PREX2: variants seen among roughly 807,000 people sequenced by gnomAD.
PREX2 encodes the protein phosphatidylinositol-3,4,5-trisphosphate dependent Rac exchange factor 2, also known as phosphatidylinositol 3,4,5-trisphosphate-dependent Rac exchanger 2 protein.
A neutral mutation model predicts 203.2 loss-of-function variants in PREX2; 107 were observed. The ratio of observed to expected loss-of-function variants is 0.53; its 90% CI spans 0.45 to 0.62. The LOEUF (loss-of-function observed/expected upper bound fraction) is 0.62, where lower values mean the gene tolerates loss of function less well. Ranked by LOEUF, PREX2 falls within the 20% of genes least tolerant of loss-of-function variation. The pLI, the probability that PREX2 is intolerant of heterozygous loss-of-function variation, is 0.00. For synonymous variants in PREX2, 672 were observed against 663.6 expected (o/e 1.01, Z -0.19); for missense variants, 1,777 against 1,955.9 (o/e 0.91, Z 1.72).
intron 23 of PREX2, chr8:68,101,445 C>T (rs181780326): frequency 1.9e-6 from 1 of 518,912 alleles, no homozygotes; most frequent in African/African-American, 1.9e-5. Context: ...TTACCTGCCA[C>T]ATTTGTTAAT....
chr8:68,192,781 C>T lies in PREX2; in HGVS notation c.4604+256C>T, dbSNP rs574593194. 1.5e-4 allele frequency among the ~76,000 whole-genome samples: 23 copies of T among 152,288 alleles called. No homozygotes were observed. In the South Asian group the frequency reaches 4.4e-3, roughly 29 times the overall value. On this transcript the variant is annotated intron_variant, in intron 37 of 39. Coordinates refer to ENST00000288368, the MANE Select transcript of PREX2 (RefSeq NM_024870.4). The stretch of plus-strand genomic sequence containing the variant: ...TCATAGTTGCATTTATATTAACATA[C>T]TTACATTTTAGGAAAAATGTGCATT...
At chr8:67,983,031 T>A (rs955631144) in intron 1 of PREX2, among the ~76,000 whole-genome samples, 12 of 152,214 alleles carry the variant, frequency 7.9e-5, no homozygotes. Flanking sequence ...GCTTTAGTTT[T>A]TATCTCTTTT....
At chr8:68,015,792 GAATAATACTA>G (rs1382074250) in intron 1 of PREX2, among the ~76,000 whole-genome samples, 1 of 152,110 alleles carries the variant, frequency 6.6e-6, no homozygotes, top group Non-Finnish European at 1.5e-5. Context: ...AAATTAAACA[GAATAATACTA>G]ATAAATTGAG....
At chr8:68,191,873 T>A (rs1361955106) in intron 36 of PREX2, 85 bp downstream of exon 36, 2 of 897,694 alleles carry the variant, frequency 2.2e-6, no homozygotes, top group East Asian at 5.0e-5. Flanking sequence ...TGCAGAAAAA[T>A]TAATCTAAGT....
chr8:68,103,099 A>T (rs1810311316), intron 23 of PREX2: 2 of 408,682 alleles, frequency 4.9e-6, no homozygotes, highest in Non-Finnish European at 9.8e-6. Flanking sequence ...TATTCAAGAG[A>T]TAGTTCCTGT....
intron 22 of PREX2, among the ~76,000 whole-genome samples, chr8:68,098,938 G>GTGTATA (rs1352978343): frequency 8.8e-4 from 97 of 109,804 alleles, no homozygotes; most frequent in East Asian, 2.5e-3. Context: ...ATATATATGT[G>GTGTATA]TATATATATA....
chr8:68,216,002 C>T (rs1241486392), intron 37 of PREX2, among the ~76,000 whole-genome samples: 2 of 152,154 alleles, frequency 1.3e-5, no homozygotes, highest in African/African-American at 4.8e-5. Context: ...AATGATGAAA[C>T]TTGAACATGT....
chr8:68,010,382 G>A (rs968165612), intron 1 of PREX2, among the ~76,000 whole-genome samples: 11 of 152,166 alleles, frequency 7.2e-5, no homozygotes, highest in African/African-American at 2.2e-4. Context: ...TAATATAGGA[G>A]CAGAGAGGAG....
intron 1 of PREX2, among the ~76,000 whole-genome samples, chr8:68,002,241 A>G (rs4737883): frequency 0.69 from 103,550 of 150,946 alleles, 35,754 homozygotes; most frequent in South Asian, 0.81. Context: ...TGCACCTCCT[A>G]GGTTCAAGTG....
intron 23 of PREX2, among the ~76,000 whole-genome samples, chr8:68,104,845 G>T (rs1185547955): frequency 6.6e-6 from 1 of 152,130 alleles, no homozygotes; most frequent in South Asian, 2.1e-4. Flanking sequence ...GTAAGTTTGG[G>T]CTTGTGGTAT....
At chr8:68,010,496 G>A (rs752907161) in intron 1 of PREX2, among the ~76,000 whole-genome samples, 10 of 152,202 alleles carry the variant, frequency 6.6e-5, no homozygotes, top group Non-Finnish European at 1.5e-4. Flanking sequence ...TGTAGTAATA[G>A]TGGATAGTGA....
intron 7 of PREX2, among the ~76,000 whole-genome samples, chr8:68,038,889 CT>C (rs1315449450): frequency 6.6e-6 from 1 of 152,120 alleles, no homozygotes; most frequent in Non-Finnish European, 1.5e-5. Context: ...TTCTCTTCAC[CT>C]GCAATGAGTC....
chr8:68,058,504 G>C (rs1241926581), intron 10 of PREX2, among the ~76,000 whole-genome samples: 1 of 151,934 alleles, frequency 6.6e-6, no homozygotes, highest in Admixed American at 6.6e-5. Context: ...CACGATCTCA[G>C]CTCACTGCAA....
intron 38 of PREX2, among the ~76,000 whole-genome samples, chr8:68,219,330 G>T (rs1812908185): frequency 1.3e-5 from 2 of 152,080 alleles, no homozygotes; most frequent in Admixed American, 1.3e-4. Context: ...TTGATATTAT[G>T]CAGGCCCCGA....
chr8:67,991,022 A>G (rs1476216786), intron 1 of PREX2, among the ~76,000 whole-genome samples: 7 of 152,144 alleles, frequency 4.6e-5, no homozygotes, highest in African/African-American at 1.7e-4. Flanking sequence ...ACACAATGCC[A>G]TGGAGGGATT....
chr8:67,978,313 T>G (rs183626283), intron 1 of PREX2, among the ~76,000 whole-genome samples: 1 of 152,202 alleles, frequency 6.6e-6, no homozygotes, highest in Non-Finnish European at 1.5e-5. Context: ...GTAACTAACA[T>G]CCAGAGCAAG....
intron 10 of PREX2, among the ~76,000 whole-genome samples, chr8:68,056,821 A>T (rs7004997): frequency 3.3e-5 from 5 of 152,186 alleles, no homozygotes; most frequent in Non-Finnish European, 7.3e-5. Flanking sequence ...CTAGACTGCA[A>T]TCAAACTTAT....
At chr8:67,975,266 C>T (rs1252605212) in intron 1 of PREX2, among the ~76,000 whole-genome samples, 3 of 143,018 alleles carry the variant, frequency 2.1e-5, no homozygotes, top group South Asian at 2.3e-4. Context: ...TACCTGCACA[C>T]GGCCTGTTTT....
intron 33 of PREX2, among the ~76,000 whole-genome samples, chr8:68,141,880 CAA>C (rs1302753516): frequency 1.3e-5 from 2 of 152,118 alleles, no homozygotes; most frequent in African/African-American, 4.8e-5. Context: ...TCCTAATTAT[CAA>C]GTTTGTTTTT....
Sources: gnomAD v4.1 joint callset for allele counts (sites outside exome capture counted in the v4.1 genomes callset) on GRCh38, gnomAD v4.1.1 for gene constraint, MANE v1.5 for transcripts, NCBI Gene and HGNC (gene_info 2026-07-23, HGNC 2026-07-21) for gene names.